CCL20: variants seen among roughly 807,000 people sequenced by gnomAD.
CCL20 encodes the protein C-C motif chemokine ligand 20, also known as C-C motif chemokine 20.
A neutral mutation model predicts 10.8 loss-of-function variants in CCL20; 8 were observed. That is an observed-to-expected ratio of 0.74 (90% confidence interval 0.44 to 1.34). The LOEUF is 1.34. CCL20 is among the 40% of genes most tolerant of loss of function. The pLI, the probability that CCL20 is intolerant of heterozygous loss-of-function variation, is 0.01. For missense variants in CCL20, 107 were observed against 117.9 expected (o/e 0.91, Z 0.43); for synonymous variants, 40 against 39.4 (o/e 1.02, Z -0.06).
At chr2:227,816,996 CAA>C in intron 3 of CCL20, 64 bp from the exon 4 acceptor site, 1 of 1,303,440 alleles carries the variant, frequency 7.7e-7, no homozygotes, top group Non-Finnish European at 1.1e-6. Flanking sequence ...CTTTAGGTAC[CAA>C]AGTCATTCCC....
chr2:227,815,338 C>A, intron 1 of CCL20, 116 bp from the exon 2 acceptor site: 1 of 588,298 alleles, frequency 1.7e-6, no homozygotes, highest in East Asian at 2.7e-5. Flanking sequence ...GTGGTTTATT[C>A]GTCATATACA....
Position 227,815,460 on chromosome 2 carries a change from G to A in CCL20, c.83G>A (p.Ser28Asn). 1 of 1,535,300 alleles carries A rather than the reference G, an allele frequency of 6.5e-7. No homozygotes were observed. The change falls in exon 2 of 4, where the codon AGC becomes AAC. Residue 28 changes from serine (S) to asparagine (N), a missense_variant. Ser to Asn is a conservative substitution (Grantham distance 46). Coordinates refer to ENST00000358813, the MANE Select transcript of CCL20 (RefSeq NM_004591.3). The stretch of plus-strand genomic sequence containing the variant: ...CACTTTTTTTTTTTTTTAGCAGCAA[G>A]CAACTTTGACTGCTGTCTTGGATAC... ...LHLCGESEAASNFDCCLGYTD... is the reference protein window; with the variant it reads ...LHLCGESEAANNFDCCLGYTD...
intron 2 of CCL20, chr2:227,815,785 A>G (rs1690016246): frequency 2.4e-6 from 1 of 411,420 alleles, no homozygotes; most frequent in South Asian, 5.1e-5. Context: ...ATAAGGCAAA[A>G]CCTTTTTTAA....
Position 227,817,172 on chromosome 2 carries a change from G to C in CCL20, c.*89G>C. ...TTGGAGGTTTCACTTGCACATCATG[G>C]AGGGTTTAGTGCTTATCTAATTTGT... On this transcript the variant is annotated 3_prime_UTR_variant, in exon 4 of 4. Coordinates refer to ENST00000358813, the MANE Select transcript of CCL20 (RefSeq NM_004591.3). 1 of 1,003,374 alleles carries C rather than the reference G, an allele frequency of 1.0e-6. No homozygotes were observed. The highest frequency in any genetic ancestry group is 1.6e-6 in the Non-Finnish European group (1 of 633,124). 62.2% of individuals were successfully genotyped at this position (1,003,374 alleles called of 1,614,324 possible).
intron 2 of CCL20, 32 bp downstream of exon 2, chr2:227,815,600 A>G: frequency 1.7e-6 from 2 of 1,202,964 alleles, no homozygotes; most frequent in South Asian, 2.6e-5. Flanking sequence ...ATTCAGTTGT[A>G]TCAGGAATAC....
At chr2:227,816,224 G>A in intron 2 of CCL20, 83 bp from the exon 3 acceptor site, 1 of 738,048 alleles carries the variant, frequency 1.4e-6, no homozygotes, top group Non-Finnish European at 2.3e-6. Flanking sequence ...TAATCAACTG[G>A]AATATAAAAT....
chr2:227,815,453 G>A lies in CCL20; in HGVS notation c.77-1G>A. ...TACCTTTCACTTTTTTTTTTTTTTA[G>A]CAGCAAGCAACTTTGACTGCTGTCT... On this transcript the variant is annotated splice_acceptor_variant, in intron 1 of 3. Transcript: ENST00000358813. LOFTEE classifies it high-confidence loss of function. The A allele has an allele frequency of 2.8e-6, 4 of 1,444,244 alleles. No homozygotes were observed. Among genetic ancestry groups the A allele is most frequent in the Non-Finnish European group, 2.8e-6 (3 of 1,065,350 alleles). 89.5% of individuals were successfully genotyped at this position (1,444,244 alleles called of 1,614,324 possible). A position where few individuals can be genotyped will look rare whatever the true frequency, so the allele number is the denominator to read the frequency against.
At chr2:227,816,246 G>T in intron 2 of CCL20, 61 bp from the exon 3 acceptor site, 1 of 927,280 alleles carries the variant, frequency 1.1e-6, no homozygotes. Context: ...TCCATTGTAT[G>T]TTCTATGAAA....
At chr2:227,814,477 C>T (rs541510519) in intron 1 of CCL20, among the ~76,000 whole-genome samples, 2 of 151,084 alleles carry the variant, frequency 1.3e-5, no homozygotes, top group South Asian at 4.1e-4. Context: ...AATCCCTTAC[C>T]TTACAGCATG....
At chr2:227,816,258 A>G (rs1690023467) in intron 2 of CCL20, 49 bp from the exon 3 acceptor site, 4 of 1,037,614 alleles carry the variant, frequency 3.9e-6, no homozygotes, top group Non-Finnish European at 6.1e-6. Context: ...TCTATGAAAA[A>G]CCCATTGAAA....
At chr2:227,815,282 C>T (rs6742847) in intron 1 of CCL20, 172 bp from the exon 2 acceptor site, 7,745 of 464,780 alleles carry the variant, frequency 0.017, 492 homozygotes, top group African/African-American at 0.14. Context: ...GATTGGTTCT[C>T]AACGACCTTA....
intron 2 of CCL20, chr2:227,815,961 CAT>C (rs1386885003): frequency 4.1e-6 from 1 of 246,730 alleles, no homozygotes; most frequent in Non-Finnish European, 7.7e-6. Context: ...TATACTATCA[CAT>C]ATAATTTTCT....
chr2:227,816,343 T>C lies in CCL20; in HGVS notation c.228T>C (p.Asn76=), dbSNP rs767532562. Reference sequence around the variant, plus strand: ...AGAAAAAGTTGTCTGTGTGCGCAAATCCAAAACAGACTTGGGTGAAATATA... The same window carrying C: ...AGAAAAAGTTGTCTGTGTGCGCAAACCCAAAACAGACTTGGGTGAAATATA... ...HTKKKLSVCA[N]PKQTWVKYIV... Residue 76 remains asparagine (N), a synonymous_variant, in exon 3 of 4, where the codon AAT becomes AAC. Transcript: ENST00000358813. 5.6e-6 allele frequency: 9 copies of C among 1,611,474 alleles called. No individual in the cohort carries two copies. In the African/African-American group the frequency reaches 1.2e-4, roughly 22 times the overall value.
chr2:227,815,404 A>G (rs1267917331), intron 1 of CCL20, 50 bp from the exon 2 acceptor site: 1 of 898,776 alleles, frequency 1.1e-6, no homozygotes, highest in African/African-American at 1.7e-5. Context: ...CAATCACAGG[A>G]TAAGTTTATT....
chr2:227,814,316 A>G (rs1422007294), intron 1 of CCL20, among the ~76,000 whole-genome samples: 1 of 152,190 alleles, frequency 6.6e-6, no homozygotes, highest in African/African-American at 2.4e-5. Flanking sequence ...TGAAATGTAG[A>G]GAATCCTCCT....
intron 3 of CCL20, 51 bp downstream of exon 3, chr2:227,816,435 G>A: frequency 1.0e-6 from 1 of 986,978 alleles, no homozygotes; most frequent in Non-Finnish European, 1.6e-6. Flanking sequence ...AAAGAGGAGT[G>A]TGCAAAGGGG....
At chr2:227,814,533 T>C (rs1449713725) in intron 1 of CCL20, among the ~76,000 whole-genome samples, 1 of 152,092 alleles carries the variant, frequency 6.6e-6, no homozygotes, top group African/African-American at 2.4e-5. Flanking sequence ...TATTGCTCAA[T>C]AGTCACACAA....
At position 227,817,324 on chromosome 2, in the gene CCL20, C is replaced by G; in HGVS notation, c.*241C>G. 6.7e-6 allele frequency: 2 copies of G among 298,254 alleles called. No individual in the cohort carries two copies. Among genetic ancestry groups the G allele is most frequent in the East Asian group, 5.4e-5 (1 of 18,656 alleles). 18.5% of individuals were successfully genotyped at this position (298,254 alleles called of 1,614,324 possible). ...ATAGCTGTAGGTTTTCTGTGTTTAG[C>G]TATTTAATACTAATTTTCCATAAGC... On this transcript the variant is annotated 3_prime_UTR_variant, in exon 4 of 4. Coordinates refer to ENST00000358813, the MANE Select transcript of CCL20 (RefSeq NM_004591.3).
At chr2:227,816,585 T>C (rs1222382864) in intron 3 of CCL20, among the ~76,000 whole-genome samples, 5 of 152,246 alleles carry the variant, frequency 3.3e-5, no homozygotes, top group African/African-American at 1.2e-4. Flanking sequence ...AATTTAGTGA[T>C]TTCTTACATG....
Sources: gnomAD v4.1 joint callset for allele counts (sites outside exome capture counted in the v4.1 genomes callset) on GRCh38, gnomAD v4.1.1 for gene constraint, MANE v1.5 for transcripts, NCBI Gene and HGNC (gene_info 2026-07-23, HGNC 2026-07-21) for gene names.